The following RARB variants were observed in gnomAD, a reference collection of about 807,000 sequenced individuals.
The protein encoded by RARB is retinoic acid receptor beta, also known as HBV-activated protein.
Under a neutral mutation model 51.9 loss-of-function variants are expected in RARB, and 17 were observed. The ratio of observed to expected loss-of-function variants is 0.33; its 90% CI spans 0.22 to 0.49. The LOEUF is 0.49. Among genes scored for constraint, RARB ranks in the 20% least tolerant of loss-of-function variants. RARB has a pLI of 0.99. For synonymous variants in RARB, 215 were observed against 195.4 expected, an observed-to-expected ratio of 1.10 and a Z score of -0.84; for missense variants, 369 against 550.8, an observed-to-expected ratio of 0.67 and a Z score of 3.30.
At chr3:25,548,101 C>CTTTTTTT (rs66817079) in intron 3 of RARB, among the ~76,000 whole-genome samples, 1 of 126,300 alleles carries the variant, frequency 7.9e-6, no homozygotes, top group Non-Finnish European at 1.7e-5. Context: ...ATTCATTTGG[C>CTTTTTTT]TTTTTTTTTT....
chr3:24,879,595 G>A (rs1328142184), intron 2 of RARB, among the ~76,000 whole-genome samples: 1 of 151,334 alleles, frequency 6.6e-6, no homozygotes, highest in African/African-American at 2.4e-5. Context: ...AGGCCAAGTG[G>A]GAGTTTCACT....
At chr3:24,859,649 G>A (rs1702704727) in intron 2 of RARB, among the ~76,000 whole-genome samples, 1 of 152,154 alleles carries the variant, frequency 6.6e-6, no homozygotes. Flanking sequence ...GGTAAAATAT[G>A]CAAAGATATT....
chr3:25,509,232 C>T (rs778661885), intron 3 of RARB, among the ~76,000 whole-genome samples: 4 of 152,160 alleles, frequency 2.6e-5, no homozygotes, highest in Non-Finnish European at 4.4e-5. Context: ...ATGAACTAAC[C>T]CATTGCGTGG....
chr3:24,956,600 G>T (rs1488703861), intron 2 of RARB, among the ~76,000 whole-genome samples: 1 of 152,172 alleles, frequency 6.6e-6, no homozygotes, highest in Non-Finnish European at 1.5e-5. Context: ...GCTTGAAACT[G>T]TACTCTGGGA....
chr3:25,039,444 G>A (rs918827201), intron 2 of RARB, among the ~76,000 whole-genome samples: 5 of 152,152 alleles, frequency 3.3e-5, no homozygotes, highest in East Asian at 3.9e-4. Context: ...TAACTTACTA[G>A]TAATTTTAAT....
chr3:25,181,842 C>T (rs67093028), intron 5 of RARB, among the ~76,000 whole-genome samples: 20,419 of 151,992 alleles, frequency 0.13, 1,500 homozygotes, highest in South Asian at 0.24. Flanking sequence ...ATCATGTCAC[C>T]GATGGCAGTG....
At chr3:25,281,913 G>A (rs185907752) in intron 5 of RARB, among the ~76,000 whole-genome samples, 1 of 152,314 alleles carries the variant, frequency 6.6e-6, no homozygotes, top group East Asian at 1.9e-4. Flanking sequence ...TGCTCATGTT[G>A]TGTTACTAAT....
intron 1 of RARB, among the ~76,000 whole-genome samples, chr3:24,832,652 A>ATATAT (rs1491520085): frequency 1.6e-5 from 1 of 61,068 alleles, no homozygotes; most frequent in African/African-American, 9.5e-5. Flanking sequence ...TATATATATA[A>ATATAT]TGTCAATTAA....
chr3:25,506,863 T>C (rs1207678196), intron 3 of RARB, among the ~76,000 whole-genome samples: 2 of 152,254 alleles, frequency 1.3e-5, no homozygotes, highest in Non-Finnish European at 2.9e-5. Context: ...GCTTCTCCCC[T>C]ACCAGTAGAC....
At chr3:24,995,966 G>A (rs6771747) in intron 2 of RARB, among the ~76,000 whole-genome samples, 79,269 of 151,864 alleles carry the variant, frequency 0.52, 21,679 homozygotes, top group African/African-American at 0.69. Flanking sequence ...GGATATGCTG[G>A]CCTCATAGAA....
intron 2 of RARB, among the ~76,000 whole-genome samples, chr3:25,003,997 T>A (rs1433052389): frequency 1.3e-5 from 2 of 152,152 alleles, no homozygotes; most frequent in African/African-American, 4.8e-5. Flanking sequence ...TTTGCTGTGA[T>A]AACAAATAAA....
At position 25,537,822 on chromosome 3, in the gene RARB, A is replaced by C. The variant is rs537734469; in HGVS notation, c.449-31936A>C. On this transcript the variant is annotated intron_variant, in intron 3 of 7. Transcript: ENST00000330688. Reference sequence around the variant, plus strand: ...TCTTCTTTACCCAGGGCCTTCTCCCAACCTGTATCTCCTACCTCTTTTCTC... The same window carrying C: ...TCTTCTTTACCCAGGGCCTTCTCCCCACCTGTATCTCCTACCTCTTTTCTC... Among the ~76,000 whole-genome samples the C allele has an allele frequency of 3.3e-5, 5 of 152,292 alleles. No individual in the cohort carries two copies. The South Asian group carries it at 1.0e-3, about 32-fold the overall frequency.
intron 2 of RARB, among the ~76,000 whole-genome samples, chr3:24,878,980 A>G (rs932865541): frequency 6.6e-6 from 1 of 152,146 alleles, no homozygotes; most frequent in East Asian, 1.9e-4. Flanking sequence ...CTTACTTTGT[A>G]TATCTAATAA....
intron 2 of RARB, among the ~76,000 whole-genome samples, chr3:25,037,990 C>G (rs1698032857): frequency 6.6e-6 from 1 of 152,182 alleles, no homozygotes; most frequent in African/African-American, 2.4e-5. Context: ...TAAGTAACAA[C>G]TTGGCAAGCT....
intron 5 of RARB, among the ~76,000 whole-genome samples, chr3:25,299,134 TAATA>T (rs1703983369): frequency 6.6e-6 from 1 of 152,224 alleles, no homozygotes; most frequent in Non-Finnish European, 1.5e-5. Flanking sequence ...GGGGGTTTTA[TAATA>T]AATAAGTAAC....
intron 5 of RARB, among the ~76,000 whole-genome samples, chr3:25,354,854 T>G (rs768646268): frequency 5.9e-5 from 9 of 151,348 alleles, no homozygotes; most frequent in Admixed American, 1.3e-4. Flanking sequence ...AGGAGGAATT[T>G]TGAACCACAT....
intron 3 of RARB, 77 bp downstream of exon 3, chr3:25,501,400 A>T: frequency 1.3e-6 from 2 of 1,544,100 alleles, no homozygotes; most frequent in Non-Finnish European, 1.7e-6. Context: ...GTCATGTGGA[A>T]TTCACACACG....
At chr3:25,229,051 C>T (rs138749072) in intron 5 of RARB, among the ~76,000 whole-genome samples, 6 of 152,078 alleles carry the variant, frequency 3.9e-5, no homozygotes, top group Non-Finnish European at 5.9e-5. Context: ...TCTAAGGGAT[C>T]GACTATTGTC....
chr3:25,202,133 A>G (rs920533588), intron 5 of RARB, among the ~76,000 whole-genome samples: 4 of 152,104 alleles, frequency 2.6e-5, no homozygotes, highest in African/African-American at 4.8e-5. Flanking sequence ...GTCTATTCAG[A>G]GATTCAACTT....
Sources: gnomAD v4.1 joint callset for allele counts (sites outside exome capture counted in the v4.1 genomes callset) on GRCh38, gnomAD v4.1.1 for gene constraint, MANE v1.5 for transcripts, NCBI Gene and HGNC (gene_info 2026-07-23, HGNC 2026-07-21) for gene names.